Variants in THSD7A observed in about 807,000 individuals in gnomAD.
THSD7A encodes the protein thrombospondin type 1 domain containing 7A.
A neutral mutation model predicts 231.3 loss-of-function variants in THSD7A; 96 were observed. The observed-to-expected ratio is 0.41, with a 90% CI of 0.35 to 0.49. The LOEUF (loss-of-function observed/expected upper bound fraction) is 0.49. THSD7A is among the 20% of genes least tolerant of loss of function. The pLI is 0.05. For synonymous variants in THSD7A, 940 were observed against 743.3 expected (o/e 1.26, Z -4.30); for missense variants, 2,290 against 2,070.2 (o/e 1.11, Z -2.06).
intron 8 of THSD7A, among the ~76,000 whole-genome samples, chr7:11,470,736 A>C (rs1047997859): frequency 2.6e-4 from 39 of 151,880 alleles, no homozygotes; most frequent in Admixed American, 2.5e-3. Context: ...AAGATAGTAA[A>C]TCAGTAAAGA....
At chr7:11,704,779 A>G (rs1384895911) in intron 1 of THSD7A, among the ~76,000 whole-genome samples, 3 of 151,074 alleles carry the variant, frequency 2.0e-5, no homozygotes, top group South Asian at 2.1e-4. Flanking sequence ...GACAAGAAAA[A>G]GTTAAGAAAC....
intron 7 of THSD7A, among the ~76,000 whole-genome samples, chr7:11,475,608 C>CAT (rs796373287): frequency 2.5e-4 from 36 of 146,880 alleles, no homozygotes; most frequent in African/African-American, 8.8e-4. Context: ...ATATATATAA[C>CAT]ATATATAACA....
intron 4 of THSD7A, among the ~76,000 whole-genome samples, chr7:11,564,282 G>T (rs7780948): frequency 0.57 from 86,194 of 151,946 alleles, 24,730 homozygotes; most frequent in Middle Eastern, 0.67. Context: ...TGGTGAGGAG[G>T]GAGTTATCAC....
chr7:11,475,326 G>A (rs566010002), intron 7 of THSD7A, among the ~76,000 whole-genome samples: 7 of 152,146 alleles, frequency 4.6e-5, no homozygotes, highest in South Asian at 2.1e-4. Context: ...TGGGGGTACC[G>A]AATTGGAACA....
At chr7:11,800,631 G>A (rs1784248568) in intron 1 of THSD7A, among the ~76,000 whole-genome samples, 2 of 152,204 alleles carry the variant, frequency 1.3e-5, no homozygotes, top group South Asian at 4.1e-4. Context: ...GCCAGCCTCA[G>A]AGGGCATTTA....
chr7:11,487,283 GAA>G lies in THSD7A; in HGVS notation c.1823-5303_1823-5302del, dbSNP rs147514127. Among the ~76,000 whole-genome samples, 234 of 152,174 alleles carry G rather than the reference GAA, an allele frequency of 1.5e-3. 1 individual carries two copies. The highest frequency in any genetic ancestry group is 1.7e-3 in the Non-Finnish European group (115 of 67,996). ...CAAGATAATTACTATAAAAATTCATGAAGACTACCATAGAAACACAAAATGAG... is the reference window on the plus strand; with the variant it reads ...CAAGATAATTACTATAAAAATTCATGGACTACCATAGAAACACAAAATGAG... On this transcript the variant is annotated intron_variant, in intron 6 of 27. Coordinates refer to ENST00000423059, the MANE Select transcript of THSD7A (RefSeq NM_015204.3).
chr7:11,733,421 G>A (rs1435706418), intron 1 of THSD7A, among the ~76,000 whole-genome samples: 2 of 151,854 alleles, frequency 1.3e-5, no homozygotes, highest in African/African-American at 4.8e-5. Flanking sequence ...TGCATAAGGT[G>A]TGTGAAAAAA....
At chr7:11,747,115 A>T (rs1049679726) in intron 1 of THSD7A, among the ~76,000 whole-genome samples, 27 of 151,990 alleles carry the variant, frequency 1.8e-4, no homozygotes, top group African/African-American at 6.5e-4. Context: ...TTCATATTTT[A>T]ATGAAAAGAG....
At chr7:11,522,506 T>C (rs1788308285) in intron 6 of THSD7A, among the ~76,000 whole-genome samples, 1 of 152,200 alleles carries the variant, frequency 6.6e-6, no homozygotes, top group African/African-American at 2.4e-5. Flanking sequence ...GTTTTATCTT[T>C]TCATTTGACT....
At chr7:11,769,962 C>T (rs1783170299) in intron 1 of THSD7A, among the ~76,000 whole-genome samples, 1 of 151,984 alleles carries the variant, frequency 6.6e-6, no homozygotes, top group Non-Finnish European at 1.5e-5. Flanking sequence ...TTAAATTTCA[C>T]TTTCTTGTCA....
At chr7:11,608,089 A>G (rs1314362339) in intron 2 of THSD7A, among the ~76,000 whole-genome samples, 1 of 152,094 alleles carries the variant, frequency 6.6e-6, no homozygotes, top group Non-Finnish European at 1.5e-5. Context: ...CAGGCAGTGA[A>G]CCATGGTGAA....
chr7:11,507,334 C>T (rs1357738427), intron 6 of THSD7A, among the ~76,000 whole-genome samples: 1 of 152,076 alleles, frequency 6.6e-6, no homozygotes, highest in African/African-American at 2.4e-5. Context: ...CTGCAATTCT[C>T]ACCAATACAA....
intron 1 of THSD7A, among the ~76,000 whole-genome samples, chr7:11,801,438 T>G (rs1318722537): frequency 1.3e-5 from 2 of 152,168 alleles, no homozygotes; most frequent in Admixed American, 6.6e-5. Flanking sequence ...ATAAGTGAAT[T>G]GAAGCATAGA....
intron 4 of THSD7A, among the ~76,000 whole-genome samples, chr7:11,544,682 C>T (rs976492069): frequency 6.6e-6 from 1 of 152,152 alleles, no homozygotes; most frequent in Non-Finnish European, 1.5e-5. Context: ...GTCATAAATG[C>T]TATCTAAAGC....
At chr7:11,376,960 T>C (rs956283004) in intron 26 of THSD7A, 12 of 221,948 alleles carry the variant, frequency 5.4e-5, no homozygotes, top group Admixed American at 3.3e-4. Context: ...ACTCAATACA[T>C]GTGTAATGCT....
intron 6 of THSD7A, among the ~76,000 whole-genome samples, chr7:11,515,329 AGAT>A (rs1161546482): frequency 1.8e-4 from 27 of 152,278 alleles, no homozygotes; most frequent in African/African-American, 5.8e-4. Flanking sequence ...CAACTGTAAG[AGAT>A]GATGATGGTG....
At chr7:11,651,684 G>A (rs914782606) in intron 1 of THSD7A, among the ~76,000 whole-genome samples, 2 of 151,824 alleles carry the variant, frequency 1.3e-5, no homozygotes, top group African/African-American at 4.8e-5. Context: ...AGACCTAAAG[G>A]CAATTTATTT....
intron 2 of THSD7A, among the ~76,000 whole-genome samples, chr7:11,630,129 TCAA>T (rs1383990516): frequency 6.6e-6 from 1 of 152,232 alleles, no homozygotes; most frequent in Non-Finnish European, 1.5e-5. Context: ...TGCTTTATAT[TCAA>T]GTTTGATATC....
intron 1 of THSD7A, among the ~76,000 whole-genome samples, chr7:11,654,939 T>A (rs761551957): frequency 2.0e-5 from 3 of 151,928 alleles, no homozygotes; most frequent in African/African-American, 7.2e-5. Flanking sequence ...GACAGTTGCA[T>A]ATTGAAGGAA....
Sources: allele counts gnomAD v4.1 joint callset (sites outside exome capture counted in the v4.1 genomes callset), GRCh38; gene constraint gnomAD v4.1.1; transcripts MANE v1.5; gene names NCBI Gene and HGNC (gene_info 2026-07-23, HGNC 2026-07-21).